MCTP1: variants seen among roughly 807,000 people sequenced by gnomAD.
MCTP1 encodes multiple C2 and transmembrane domain-containing protein 1.
A neutral mutation model predicts 120.6 loss-of-function variants in MCTP1; 69 were observed. The ratio of observed to expected loss-of-function variants is 0.57; its 90% CI spans 0.47 to 0.70. The LOEUF (loss-of-function observed/expected upper bound fraction) is 0.70. Among genes scored for constraint, MCTP1 ranks in the 30% least tolerant of loss-of-function variants. The pLI is 0.00. For missense variants in MCTP1, 1,203 were observed against 1,248.8 expected, an observed-to-expected ratio of 0.96 and a Z score of 0.55; for synonymous variants, 529 against 493.1, an observed-to-expected ratio of 1.07 and a Z score of -0.96.
chr5:94,822,522 A>C (rs112997317), intron 17 of MCTP1, among the ~76,000 whole-genome samples: 1 of 152,262 alleles, frequency 6.6e-6, no homozygotes, highest in African/African-American at 2.4e-5. Context: ...ATAAACATAC[A>C]TGTGCATGTG....
intron 19 of MCTP1, among the ~76,000 whole-genome samples, chr5:94,756,119 T>C (rs1265414320): frequency 6.6e-6 from 1 of 152,196 alleles, no homozygotes; most frequent in Admixed American, 6.5e-5. Context: ...AGCCAGACCT[T>C]GTTCTAAGCT....
intron 2 of MCTP1, among the ~76,000 whole-genome samples, chr5:94,959,052 C>T (rs1168992980): frequency 6.6e-6 from 1 of 152,158 alleles, no homozygotes; most frequent in Non-Finnish European, 1.5e-5. Context: ...TCCAGCAGCA[C>T]ATTAAAAAGC....
intron 2 of MCTP1, among the ~76,000 whole-genome samples, chr5:95,005,105 G>A (rs545919557): frequency 2.0e-5 from 3 of 152,332 alleles, no homozygotes; most frequent in South Asian, 4.1e-4. Context: ...TGGTGTCAAA[G>A]GAGATCATTT....
At chr5:94,794,602 G>A (rs73133946) in intron 18 of MCTP1, among the ~76,000 whole-genome samples, 20,114 of 152,170 alleles carry the variant, frequency 0.13, 1,947 homozygotes, top group African/African-American at 0.27. Flanking sequence ...CACTTGCTCT[G>A]GGGAGTTGCT....
At chr5:94,830,380 A>C (rs1248596616) in intron 17 of MCTP1, among the ~76,000 whole-genome samples, 1 of 152,260 alleles carries the variant, frequency 6.6e-6, no homozygotes, top group African/African-American at 2.4e-5. Flanking sequence ...GTATTAGAAG[A>C]CAACTTCCCT....
At chr5:95,086,105 C>CA (rs1297993175) in intron 1 of MCTP1, among the ~76,000 whole-genome samples, 1 of 151,650 alleles carries the variant, frequency 6.6e-6, no homozygotes, top group Non-Finnish European at 1.5e-5. Context: ...GTAATTGAGT[C>CA]AAAAATATAA....
intron 21 of MCTP1, chr5:94,709,746 G>GA (rs751064991): frequency 2.1e-4 from 32 of 152,070 alleles, no homozygotes; most frequent in Non-Finnish European, 3.7e-4. Flanking sequence ...ATTAGGAAAG[G>GA]AAAAAATAAT....
intron 3 of MCTP1, among the ~76,000 whole-genome samples, chr5:94,951,442 C>A (rs991023770): frequency 6.6e-6 from 1 of 152,090 alleles, no homozygotes; most frequent in East Asian, 1.9e-4. Context: ...GAGTAATATC[C>A]CACTAAGTAG....
At chr5:94,980,517 T>G (rs1444485886) in intron 2 of MCTP1, among the ~76,000 whole-genome samples, 1 of 152,126 alleles carries the variant, frequency 6.6e-6, no homozygotes, top group Non-Finnish European at 1.5e-5. Flanking sequence ...GTTGAAAACA[T>G]ATGTTATGTG....
At chr5:95,059,877 G>A (rs1748468190) in intron 1 of MCTP1, among the ~76,000 whole-genome samples, 1 of 152,102 alleles carries the variant, frequency 6.6e-6, no homozygotes, top group Non-Finnish European at 1.5e-5. Flanking sequence ...AAGGAACTAT[G>A]TTTTCTAAGG....
chr5:95,280,012 T>G (rs1279542058), intron 1 of MCTP1, among the ~76,000 whole-genome samples: 1 of 152,246 alleles, frequency 6.6e-6, no homozygotes, highest in Non-Finnish European at 1.5e-5. Flanking sequence ...TTTTTAAATC[T>G]GTGCCTTCTT....
chr5:94,708,771 G>C (rs771235569), intron 21 of MCTP1, 162 bp from the exon 22 acceptor site: 2 of 545,808 alleles, frequency 3.7e-6, no homozygotes, highest in South Asian at 2.3e-5. Context: ...CAGCTCAACT[G>C]CTTTTTTTAC....
intron 1 of MCTP1, among the ~76,000 whole-genome samples, chr5:95,184,848 C>T (rs1749020422): frequency 6.6e-6 from 1 of 152,126 alleles, no homozygotes; most frequent in Admixed American, 6.5e-5. Context: ...GTTCTGCCAT[C>T]TCACCCAGGA....
chr5:95,277,767 G>T (rs1291088972), intron 1 of MCTP1, among the ~76,000 whole-genome samples: 2 of 152,154 alleles, frequency 1.3e-5, no homozygotes, highest in Admixed American at 1.3e-4. Flanking sequence ...ATGTCCAGAG[G>T]TCCACTTGTC....
chr5:95,272,017 C>T (rs1759446092), intron 1 of MCTP1, among the ~76,000 whole-genome samples: 1 of 152,038 alleles, frequency 6.6e-6, no homozygotes, highest in African/African-American at 2.4e-5. Context: ...AATACTATTA[C>T]TTTATTACTA....
intron 1 of MCTP1, among the ~76,000 whole-genome samples, chr5:95,025,257 A>G (rs2153683222): frequency 6.6e-6 from 1 of 152,310 alleles, no homozygotes; most frequent in East Asian, 1.9e-4. Flanking sequence ...GCCCAGAAAT[A>G]AACTGATACA....
intron 19 of MCTP1, among the ~76,000 whole-genome samples, chr5:94,760,644 T>C (rs966115059): frequency 1.3e-5 from 2 of 151,960 alleles, no homozygotes; most frequent in Non-Finnish European, 2.9e-5. Flanking sequence ...TCCAGGCATA[T>C]AGGAAATGGC....
chr5:95,185,718 C>A (rs1311098810), intron 1 of MCTP1, among the ~76,000 whole-genome samples: 5 of 151,974 alleles, frequency 3.3e-5, no homozygotes, highest in Non-Finnish European at 7.4e-5. Context: ...GGAAGTGAGG[C>A]CAGGCATGGT....
intron 1 of MCTP1, among the ~76,000 whole-genome samples, chr5:95,076,035 C>T (rs779212569): frequency 2.0e-5 from 3 of 152,180 alleles, no homozygotes; most frequent in South Asian, 4.1e-4. Context: ...CCCCAGTGGA[C>T]GCCTGAAACA....
Sources: gnomAD v4.1 joint callset for allele counts (sites outside exome capture counted in the v4.1 genomes callset) on GRCh38, gnomAD v4.1.1 for gene constraint, MANE v1.5 for transcripts, NCBI Gene and HGNC (gene_info 2026-07-23, HGNC 2026-07-21) for gene names.